The following ABCC4 variants were observed in gnomAD, a reference collection of about 807,000 sequenced individuals.
The protein encoded by ABCC4 is ATP-binding cassette sub-family C member 4.
ABCC4 carries 102 observed loss-of-function variants against 168.5 expected under a neutral mutation model. The observed-to-expected ratio is 0.61, with a 90% CI of 0.52 to 0.71. ABCC4 has a LOEUF of 0.71. Ranked by LOEUF, ABCC4 falls within the 30% of genes least tolerant of loss-of-function variation. The pLI, the probability that ABCC4 is intolerant of heterozygous loss-of-function variation, is 0.00. For synonymous variants in ABCC4, 617 were observed against 590.7 expected (o/e 1.04, Z -0.65); for missense variants, 1,402 against 1,605.8 (o/e 0.87, Z 2.17).
chr13:95,284,842 G>A (rs2041220205), intron 1 of ABCC4, among the ~76,000 whole-genome samples: 1 of 152,132 alleles, frequency 6.6e-6, no homozygotes. Flanking sequence ...GGAAATAATA[G>A]TACCCACCCC....
At chr13:95,137,666 G>A (rs957149918) in intron 19 of ABCC4, among the ~76,000 whole-genome samples, 2 of 152,088 alleles carry the variant, frequency 1.3e-5, no homozygotes, top group Non-Finnish European at 2.9e-5. Context: ...TTCGAAAGAT[G>A]GGGGGGAACT....
intron 8 of ABCC4, among the ~76,000 whole-genome samples, chr13:95,200,937 C>A (rs1163338039): frequency 6.6e-6 from 1 of 152,074 alleles, no homozygotes; most frequent in Non-Finnish European, 1.5e-5. Flanking sequence ...CAAAACAAAA[C>A]CTCCAACAAT....
intron 4 of ABCC4, among the ~76,000 whole-genome samples, chr13:95,227,671 T>C (rs2039502393): frequency 6.6e-6 from 1 of 152,170 alleles, no homozygotes; most frequent in African/African-American, 2.4e-5. Context: ...CCATATGAAA[T>C]TGCTAGTTTT....
At chr13:95,239,186 T>A (rs1406094104) in intron 3 of ABCC4, among the ~76,000 whole-genome samples, 1 of 151,940 alleles carries the variant, frequency 6.6e-6, no homozygotes, top group Non-Finnish European at 1.5e-5. Flanking sequence ...AAATTTAAAT[T>A]ATTTTTAGAA....
intron 6 of ABCC4, among the ~76,000 whole-genome samples, chr13:95,208,271 G>A (rs574113973): frequency 4.0e-5 from 6 of 150,090 alleles, no homozygotes; most frequent in Non-Finnish European, 8.9e-5. Context: ...GCTAAAATGG[G>A]AATGAAGTGC....
intron 1 of ABCC4, among the ~76,000 whole-genome samples, chr13:95,272,970 C>T (rs974423641): frequency 9.2e-5 from 14 of 152,316 alleles, no homozygotes; most frequent in Non-Finnish European, 1.5e-4. Flanking sequence ...ATCATACACA[C>T]ACACACACAC....
intron 4 of ABCC4, among the ~76,000 whole-genome samples, chr13:95,214,449 T>C (rs569729027): frequency 3.9e-5 from 6 of 152,064 alleles, no homozygotes; most frequent in Admixed American, 3.9e-4. Context: ...TCTTAGCAAG[T>C]TCAATGAAGG....
At chr13:95,264,637 A>G (rs575020990) in intron 1 of ABCC4, among the ~76,000 whole-genome samples, 217 of 152,314 alleles carry the variant, frequency 1.4e-3, no homozygotes, top group Non-Finnish European at 2.7e-3. Flanking sequence ...GAGAGACAAT[A>G]AAAGACTGCA....
intron 1 of ABCC4, among the ~76,000 whole-genome samples, chr13:95,271,966 CAA>C (rs2040859051): frequency 6.6e-6 from 1 of 152,108 alleles, no homozygotes; most frequent in African/African-American, 2.4e-5. Context: ...TGAATATACA[CAA>C]AGAGGTGCAG....
chr13:95,232,125 A>ATGATGG (rs367708767), intron 4 of ABCC4, among the ~76,000 whole-genome samples: 2 of 150,892 alleles, frequency 1.3e-5, no homozygotes, highest in Non-Finnish European at 1.5e-5. Context: ...GCTGCTGATG[A>ATGATGG]TGATGGTGGT....
chr13:95,262,631 CTT>C (rs35209572), intron 1 of ABCC4, among the ~76,000 whole-genome samples: 38 of 142,208 alleles, frequency 2.7e-4, no homozygotes, highest in East Asian at 6.2e-4. Flanking sequence ...GACACTTAGA[CTT>C]TTTTTTTTTT....
chr13:95,043,952 C>T (rs1353690849), intron 28 of ABCC4, among the ~76,000 whole-genome samples, 165 bp from the exon 29 acceptor site: 1 of 151,912 alleles, frequency 6.6e-6, no homozygotes, highest in African/African-American at 2.4e-5. Flanking sequence ...TCTTTAAAAA[C>T]AAGTATAAAA....
At chr13:95,251,617 T>C (rs948420193) in intron 1 of ABCC4, among the ~76,000 whole-genome samples, 9 of 152,208 alleles carry the variant, frequency 5.9e-5, no homozygotes, top group African/African-American at 1.7e-4. Flanking sequence ...CTCTCTGCTG[T>C]ATACCTCCTG....
intron 20 of ABCC4, among the ~76,000 whole-genome samples, chr13:95,104,593 AT>A: frequency 6.6e-6 from 1 of 152,246 alleles, no homozygotes. Flanking sequence ...TAAAGTGAAG[AT>A]TTCTTTCCCA....
intron 20 of ABCC4, among the ~76,000 whole-genome samples, chr13:95,098,450 A>G (rs1256786731): frequency 6.6e-6 from 1 of 152,166 alleles, no homozygotes; most frequent in Non-Finnish European, 1.5e-5. Flanking sequence ...ACTCCAAGCT[A>G]AACTGATTGA....
At chr13:95,150,034 A>G (rs1425315004) in intron 19 of ABCC4, among the ~76,000 whole-genome samples, 1 of 152,190 alleles carries the variant, frequency 6.6e-6, no homozygotes, top group Admixed American at 6.5e-5. Context: ...GGGGCAATAC[A>G]GTAATCATAG....
At chr13:95,070,703 G>C (rs1353828503) in intron 25 of ABCC4, among the ~76,000 whole-genome samples, 1 of 152,152 alleles carries the variant, frequency 6.6e-6, no homozygotes, top group African/African-American at 2.4e-5. Context: ...CTTGGGGGCT[G>C]AGAGCCAGAC....
intron 20 of ABCC4, among the ~76,000 whole-genome samples, chr13:95,088,276 C>G (rs1272652343): frequency 6.6e-6 from 1 of 152,116 alleles, no homozygotes; most frequent in African/African-American, 2.4e-5. Flanking sequence ...AAATACACAT[C>G]TTAGAAAAGG....
chr13:95,094,749 G>A (rs1469519527), intron 20 of ABCC4, among the ~76,000 whole-genome samples: 3 of 152,142 alleles, frequency 2.0e-5, no homozygotes, highest in Non-Finnish European at 2.9e-5. Context: ...CAGAGTGGGA[G>A]TAAATCTTCA....
Sources: gnomAD v4.1 joint callset for allele counts (sites outside exome capture counted in the v4.1 genomes callset) on GRCh38, gnomAD v4.1.1 for gene constraint, MANE v1.5 for transcripts, NCBI Gene and HGNC (gene_info 2026-07-23, HGNC 2026-07-21) for gene names.